Variants in SPPL2A observed in about 807,000 individuals in gnomAD.
SPPL2A encodes the protein signal peptide peptidase like 2A.
SPPL2A carries 51 observed loss-of-function variants against 63.8 expected under a neutral mutation model. The observed-to-expected ratio is 0.80, with a 90% CI of 0.64 to 1.01. The LOEUF (loss-of-function observed/expected upper bound fraction) is 1.01, where lower values mean the gene tolerates loss of function less well. Ranked by LOEUF, SPPL2A falls within the 50% of genes least tolerant of loss-of-function variation. The pLI is 0.00. For missense variants in SPPL2A, 553 were observed against 622.7 expected, an observed-to-expected ratio of 0.89 and a Z score of 1.19; for synonymous variants, 188 against 205.8, an observed-to-expected ratio of 0.91 and a Z score of 0.74.
intron 13 of SPPL2A, among the ~76,000 whole-genome samples, chr15:50,721,232 C>T (rs1284924428): frequency 6.6e-6 from 1 of 152,026 alleles, no homozygotes; most frequent in East Asian, 1.9e-4. Context: ...TGAGATTTCA[C>T]CATGTTGGCC....
chr15:50,765,250 G>C (rs545072555), intron 1 of SPPL2A, among the ~76,000 whole-genome samples: 52 of 152,248 alleles, frequency 3.4e-4, no homozygotes, highest in Admixed American at 1.8e-3. Flanking sequence ...GAACCGAGTG[G>C]GGGGCGGGAA....
intron 12 of SPPL2A, among the ~76,000 whole-genome samples, chr15:50,722,568 T>TGC (rs2062657062): frequency 6.6e-6 from 1 of 152,166 alleles, no homozygotes; most frequent in South Asian, 2.1e-4. Flanking sequence ...ACAATTCCCC[T>TGC]GCCTCAGCCT....
intron 5 of SPPL2A, 92 bp downstream of exon 5, chr15:50,747,403 C>A (rs948077377): frequency 2.2e-5 from 23 of 1,045,732 alleles, no homozygotes; most frequent in Non-Finnish European, 1.6e-5. Flanking sequence ...ATTCTGAGGG[C>A]AGATAAATTT....
chr15:50,732,231 CATT>C (rs987148045), intron 9 of SPPL2A, among the ~76,000 whole-genome samples: 8 of 151,980 alleles, frequency 5.3e-5, no homozygotes, highest in Admixed American at 5.2e-4. Flanking sequence ...GGACAAAACA[CATT>C]AGTCGAGTGA....
Position 50,706,314 on chromosome 15 carries a change from C to T in SPPL2A, c.*1486G>A, listed in dbSNP as rs1051195882. 7 of 140,686 alleles carry T rather than the reference C, an allele frequency of 5.0e-5. No individual in the cohort carries two copies. Among genetic ancestry groups the T allele is most frequent in the South Asian group, 4.7e-4 (2 of 4,254 alleles). 8.7% of individuals were successfully genotyped at this position (140,686 alleles called of 1,614,324 possible). ...CTGAGGCAGGAGAATGGCGTGAACC[C>T]GGGAGGCGGAGCTTGCAGTGAGCCG... On this transcript the variant is annotated 3_prime_UTR_variant, in exon 15 of 15. Transcript: ENST00000261854.
intron 5 of SPPL2A, among the ~76,000 whole-genome samples, chr15:50,746,436 CAAAAAAAAAAA>C (rs71127139): frequency 1.5e-4 from 13 of 87,038 alleles, no homozygotes; most frequent in African/African-American, 2.7e-4. Flanking sequence ...GACTCTGTAT[CAAAAAAAAAAA>C]AAAAAAAAAA....
intron 5 of SPPL2A, chr15:50,746,931 G>T (rs1048000622): frequency 6.6e-6 from 1 of 152,640 alleles, no homozygotes; most frequent in African/African-American, 2.4e-5. Flanking sequence ...GCCTCCCAAA[G>T]TGTTGGGATT....
rs1341498982 is a variant in SPPL2A at position 50,705,848 on chromosome 15, T to C, written c.*1952A>G. ...AATTGAACTGGCCTTAGATGAAAGA[T>C]ATAGTTCTGTTCACATATTTTATAC... On this transcript the variant is annotated 3_prime_UTR_variant, in exon 15 of 15. Coordinates refer to ENST00000261854, the MANE Select transcript of SPPL2A (RefSeq NM_032802.4). The C allele has an allele frequency of 2.6e-5, 4 of 152,336 alleles. No homozygotes were observed. Among genetic ancestry groups the C allele is most frequent in the Non-Finnish European group, 5.9e-5 (4 of 68,026 alleles). The allele number at this position is 152,336 out of a possible 1,614,324, so 9.4% of individuals were successfully genotyped here.
intron 8 of SPPL2A, among the ~76,000 whole-genome samples, chr15:50,733,871 T>C (rs886187937): frequency 6.6e-6 from 1 of 151,918 alleles, no homozygotes; most frequent in Non-Finnish European, 1.5e-5. Context: ...TAGACATTTC[T>C]CCAAAGACAT....
chr15:50,703,726 G>A lies in SPPL2A; in HGVS notation c.*4074C>T, dbSNP rs1005740809. The A allele has an allele frequency of 6.6e-6, 1 of 151,960 alleles. No individual in the cohort carries two copies. 9.4% of individuals were successfully genotyped at this position (151,960 alleles called of 1,614,324 possible). A position where few individuals can be genotyped will look rare whatever the true frequency, so the allele number is the denominator to read the frequency against. On this transcript the variant is annotated 3_prime_UTR_variant, in exon 15 of 15. Transcript: ENST00000261854. ...TAACTCAAAGGATAAATGCTTGAGG[G>A]AATGGATACCCCATTCTCCATGATC...
chr15:50,747,067 CA>C (rs1312442966), intron 5 of SPPL2A, among the ~76,000 whole-genome samples: 1 of 152,146 alleles, frequency 6.6e-6, no homozygotes. Flanking sequence ...AAAAGATGGA[CA>C]TTACTAACAT....
At chr15:50,715,410 G>C (rs2062592863) in intron 14 of SPPL2A, among the ~76,000 whole-genome samples, 1 of 152,064 alleles carries the variant, frequency 6.6e-6, no homozygotes, top group Non-Finnish European at 1.5e-5. Flanking sequence ...AACAATTATG[G>C]AAAAAGAAGG....
intron 12 of SPPL2A, among the ~76,000 whole-genome samples, chr15:50,723,657 G>A (rs1234000043): frequency 6.6e-6 from 1 of 152,084 alleles, no homozygotes; most frequent in Non-Finnish European, 1.5e-5. Context: ...TGTATTTTTA[G>A]TAGAGATGGG....
At chr15:50,765,013 A>G (rs945002085) in intron 1 of SPPL2A, among the ~76,000 whole-genome samples, 1 of 151,800 alleles carries the variant, frequency 6.6e-6, no homozygotes, top group African/African-American at 2.4e-5. Context: ...GTGTTAGTGC[A>G]ATTAAAGTGC....
chr15:50,750,425 C>A (rs1201638285), intron 1 of SPPL2A, among the ~76,000 whole-genome samples: 2 of 152,162 alleles, frequency 1.3e-5, no homozygotes, highest in African/African-American at 4.8e-5. Flanking sequence ...ATCCATCAAT[C>A]TGTCTTACGT....
At position 50,703,343 on chromosome 15, in the gene SPPL2A, TA is replaced by T. The variant is rs1567143976; in HGVS notation, c.*4456del. On this transcript the variant is annotated 3_prime_UTR_variant, in exon 15 of 15. Transcript: ENST00000261854. Reference sequence around the variant, plus strand: ...ATATATACATATATATATATATATATATACATATATATATTTTTTTTTTTTT... The same window carrying T: ...ATATATACATATATATATATATATATTACATATATATATTTTTTTTTTTTT... The T allele has an allele frequency of 3.7e-4, 33 of 90,222 alleles. No homozygotes were observed. The highest frequency in any genetic ancestry group is 1.2e-3 in the African/African-American group (31 of 24,932). The allele number at this position is 90,222 out of a possible 1,614,324, so 5.6% of individuals were successfully genotyped here.
intron 1 of SPPL2A, among the ~76,000 whole-genome samples, chr15:50,762,382 A>C (rs1596402667): frequency 2.7e-5 from 4 of 150,138 alleles, no homozygotes; most frequent in Admixed American, 2.0e-4. Context: ...AAAAAAAAAA[A>C]CAAAAACCCA....
At chr15:50,752,023 G>A (rs762498771) in intron 1 of SPPL2A, among the ~76,000 whole-genome samples, 4 of 151,932 alleles carry the variant, frequency 2.6e-5, no homozygotes, top group Non-Finnish European at 5.9e-5. Flanking sequence ...TAGAGACGGG[G>A]TTTTGTCACG....
Position 50,703,352 on chromosome 15 carries a change from ATATATTTTT to A in SPPL2A, c.*4439_*4447del, listed in dbSNP as rs1251636917. ...TATATATATATATATATATACATAT[ATATATTTTT>A]TTTTTTTTTTTTTTTTTTTGAGATG... On this transcript the variant is annotated 3_prime_UTR_variant, in exon 15 of 15. Coordinates refer to ENST00000261854, the MANE Select transcript of SPPL2A (RefSeq NM_032802.4). 2.2e-3 allele frequency: 141 copies of A among 63,268 alleles called. No individual in the cohort carries two copies. The highest frequency in any genetic ancestry group is 0.019 in the South Asian group (40 of 2,062). The allele number at this position is 63,268 out of a possible 1,614,324, so 3.9% of individuals were successfully genotyped here. A position where few individuals can be genotyped will look rare whatever the true frequency, so the allele number is the denominator to read the frequency against.
Sources: gnomAD v4.1 joint callset for allele counts (sites outside exome capture counted in the v4.1 genomes callset) on GRCh38, gnomAD v4.1.1 for gene constraint, MANE v1.5 for transcripts, NCBI Gene and HGNC (gene_info 2026-07-23, HGNC 2026-07-21) for gene names.